SWT1: variants seen among roughly 807,000 people sequenced by gnomAD.
The protein encoded by SWT1 is transcriptional protein SWT1.
SWT1 carries 33 observed loss-of-function variants against 107.3 expected under a neutral mutation model. The ratio of observed to expected loss-of-function variants is 0.31; its 90% confidence interval spans 0.23 to 0.41. SWT1 has a LOEUF of 0.41. SWT1 is among the 10% of genes least tolerant of loss of function. The probability of loss-of-function intolerance (pLI) is 1.00; values close to 1 mark genes in which losing one functional copy is unlikely to be tolerated. For missense variants in SWT1, 898 were observed against 1,028.9 expected (o/e 0.87, Z 1.74); for synonymous variants, 345 against 348.3 (o/e 0.99, Z 0.11).
chr1:185,190,513 T>C lies in SWT1; in HGVS notation c.1430-36T>C, dbSNP rs1440381368. The C allele has an allele frequency of 3.5e-6, 4 of 1,152,968 alleles. No homozygotes were observed. The African/African-American group carries it at 6.1e-5, about 18-fold the overall frequency. The allele number at this position is 1,152,968 out of a possible 1,614,324, so 71.4% of individuals were successfully genotyped here. A position where few individuals can be genotyped will look rare whatever the true frequency, so the allele number is the denominator to read the frequency against. The stretch of plus-strand genomic sequence containing the variant: ...ATTTCTGTGTCACCCACATTTCTAG[T>C]GTACTTACTGACTGTTGCCTTTACT... On this transcript the variant is annotated intron_variant, in intron 9 of 18. Coordinates refer to ENST00000367500, the MANE Select transcript of SWT1 (RefSeq NM_017673.7).
chr1:185,174,963 C>T lies in SWT1; in HGVS notation c.816C>T (p.Ser272=). ...TKQEEREYLE[S]SQVSLNVTRQ... Reference sequence around the variant, plus strand: ...AGGAAGAAAGAGAATACCTGGAAAGCTCCCAGGTTTCATTAAATGTGACTA... The same window carrying T: ...AGGAAGAAAGAGAATACCTGGAAAGTTCCCAGGTTTCATTAAATGTGACTA... Residue 272 remains serine (S), a synonymous_variant, in exon 5 of 19, where the codon AGC becomes AGT. Coordinates refer to ENST00000367500, the MANE Select transcript of SWT1 (RefSeq NM_017673.7). 2 of 1,613,872 alleles carry T rather than the reference C, an allele frequency of 1.2e-6. No homozygotes were observed. Among genetic ancestry groups the T allele is most frequent in the Admixed American group, 1.7e-5 (1 of 59,992 alleles).
intron 18 of SWT1, among the ~76,000 whole-genome samples, chr1:185,284,320 T>A (rs879311117): frequency 6.6e-6 from 1 of 152,250 alleles, no homozygotes; most frequent in Admixed American, 6.5e-5. Flanking sequence ...CTTTCTGTTA[T>A]TAGAATTCTT....
At chr1:185,289,944 A>T (rs899803099) in intron 18 of SWT1, among the ~76,000 whole-genome samples, 31 of 152,144 alleles carry the variant, frequency 2.0e-4, no homozygotes, top group Non-Finnish European at 1.0e-4. Flanking sequence ...GTTAATGACA[A>T]TGTATTGTAT....
chr1:185,236,318 A>G (rs974501700), intron 16 of SWT1, among the ~76,000 whole-genome samples: 2 of 152,248 alleles, frequency 1.3e-5, no homozygotes, highest in African/African-American at 2.4e-5. Flanking sequence ...ACTTCAAACC[A>G]TACTAGAAGG....
chr1:185,258,603 CTA>C (rs1005046589), intron 16 of SWT1, among the ~76,000 whole-genome samples: 1 of 152,174 alleles, frequency 6.6e-6, no homozygotes. Flanking sequence ...TCTAGATTGA[CTA>C]TTATTTTCCC....
chr1:185,266,356 G>T (rs2102711877), intron 16 of SWT1, among the ~76,000 whole-genome samples: 1 of 152,326 alleles, frequency 6.6e-6, no homozygotes, highest in East Asian at 1.9e-4. Context: ...GAGCCACCGT[G>T]CCCAGCCTTA....
At chr1:185,231,848 T>C in intron 16 of SWT1, 140 bp downstream of exon 16, 1 of 599,158 alleles carries the variant, frequency 1.7e-6, no homozygotes, top group Non-Finnish European at 2.9e-6. Context: ...GTGCTTTCTT[T>C]TGTGGCACTA....
chr1:185,163,325 G>A (rs1654309586), intron 2 of SWT1, among the ~76,000 whole-genome samples: 1 of 150,936 alleles, frequency 6.6e-6, no homozygotes, highest in Non-Finnish European at 1.5e-5. Flanking sequence ...TTCACCAGGA[G>A]TAGAAATCAA....
chr1:185,285,545 ATTAT>A (rs778522724), intron 18 of SWT1, among the ~76,000 whole-genome samples: 15 of 152,130 alleles, frequency 9.9e-5, no homozygotes, highest in African/African-American at 2.7e-4. Flanking sequence ...TTTAATTTTG[ATTAT>A]TTATGTATTT....
Position 185,184,751 on chromosome 1 carries a change from A to G in SWT1, c.1249A>G (p.Lys417Glu). Residue 417 changes from lysine (K) to glutamate (E), a missense_variant, in exon 9 of 19, where the codon AAA (lysine) becomes GAA (glutamate). Lys to Glu is a moderately conservative substitution (Grantham distance 56). This residue lies in a region of SWT1 where 94 missense variants were observed against 114.5 expected (regional missense o/e 0.82). Coordinates refer to ENST00000367500, the MANE Select transcript of SWT1 (RefSeq NM_017673.7). ...ATCTTTTTATTTTTTAGGTTTTGAC[A>G]AACTTGTGTTAATAATTCCCTGGGT... ...LKTTEVPGFD[K>E]LVLIIPWVVM... 6.2e-7 allele frequency: 1 copy of G among 1,606,046 alleles called. No homozygotes were observed. The highest frequency in any genetic ancestry group is 1.1e-5 in the South Asian group (1 of 89,184).
chr1:185,223,378 T>C (rs189752497), intron 15 of SWT1, among the ~76,000 whole-genome samples: 1 of 152,268 alleles, frequency 6.6e-6, no homozygotes, highest in African/African-American at 2.4e-5. Flanking sequence ...TATCTCACTA[T>C]GTTGCCCAGG....
intron 5 of SWT1, among the ~76,000 whole-genome samples, chr1:185,176,354 C>CTAAAGAATG (rs1176514247): frequency 7.0e-6 from 1 of 142,628 alleles, no homozygotes; most frequent in Non-Finnish European, 1.5e-5. Flanking sequence ...TTAAACAGAC[C>CTAAAGAATG]TAAAGAATGA....
intron 18 of SWT1, among the ~76,000 whole-genome samples, chr1:185,277,981 T>C (rs1664357331): frequency 6.6e-6 from 1 of 152,210 alleles, no homozygotes; most frequent in Non-Finnish European, 1.5e-5. Context: ...CAATTCTTTT[T>C]TTTTAATCTT....
rs1480028951 is a variant in SWT1 at position 185,202,650 on chromosome 1, T to A, written c.1524-4T>A. ...TCCTCCTAATCCCAACCTCCCAACC[T>A]TAGGGATGATAGAAACTTAAGAAAC... is the stretch of plus-strand genomic sequence containing the variant. On this transcript the variant is annotated splice_polypyrimidine_tract_variant and splice_region_variant and intron_variant, in intron 10 of 18. Transcript: ENST00000367500. 3 of 1,604,908 alleles carry A rather than the reference T, an allele frequency of 1.9e-6. No homozygotes were observed. Among genetic ancestry groups the A allele is most frequent in the Non-Finnish European group, 2.6e-6 (3 of 1,176,328 alleles).
chr1:185,279,780 C>T (rs182316971), intron 18 of SWT1, among the ~76,000 whole-genome samples: 74 of 150,744 alleles, frequency 4.9e-4, no homozygotes, highest in African/African-American at 1.7e-3. Context: ...CACCATTTCC[C>T]TGTGACTCAG....
At chr1:185,170,089 C>G (rs1270815731) in intron 4 of SWT1, among the ~76,000 whole-genome samples, 2 of 152,150 alleles carry the variant, frequency 1.3e-5, no homozygotes, top group African/African-American at 2.4e-5. Flanking sequence ...CACAAAGCAC[C>G]AAATGTTAAA....
intron 5 of SWT1, among the ~76,000 whole-genome samples, chr1:185,178,925 C>G (rs528027557): frequency 1.3e-4 from 20 of 152,294 alleles, no homozygotes; most frequent in African/African-American, 4.8e-4. Context: ...CCTGAAAGTT[C>G]AGGCGGAAGC....
chr1:185,222,782 A>AAAAAAAAAC (rs1659765652), intron 15 of SWT1, among the ~76,000 whole-genome samples: 1 of 151,648 alleles, frequency 6.6e-6, no homozygotes, highest in African/African-American at 2.4e-5. Context: ...AAAAAAAAAA[A>AAAAAAAAAC]AAAAATCAAA....
chr1:185,161,026 G>A (rs1654099675), intron 2 of SWT1, 101 bp downstream of exon 2: 3 of 889,576 alleles, frequency 3.4e-6, no homozygotes, highest in Non-Finnish European at 5.2e-6. Flanking sequence ...TAAATATTTT[G>A]TTCTGCTCAG....
Sources: allele counts gnomAD v4.1 joint callset (sites outside exome capture counted in the v4.1 genomes callset), GRCh38; gene constraint gnomAD v4.1.1; regional missense constraint gnomAD v4.1.1; transcripts MANE v1.5; gene names NCBI Gene and HGNC (gene_info 2026-07-23, HGNC 2026-07-21).